Variants in DPYS observed in about 807,000 individuals in gnomAD.
DPYS encodes the protein dihydropyrimidine amidohydrolase.
A neutral mutation model predicts 50.3 loss-of-function variants in DPYS; 39 were observed. That is an observed-to-expected ratio of 0.78 (90% CI 0.60 to 1.01). The LOEUF (loss-of-function observed/expected upper bound fraction) is 1.01. Ranked by LOEUF, DPYS falls within the 50% of genes least tolerant of loss-of-function variation. DPYS has a pLI of 0.00. For synonymous variants in DPYS, 245 were observed against 250.7 expected, an observed-to-expected ratio of 0.98 and a Z score of 0.22; for missense variants, 659 against 680.9, an observed-to-expected ratio of 0.97 and a Z score of 0.36.
chr8:104,416,357 C>G (rs1486988041), intron 7 of DPYS, among the ~76,000 whole-genome samples: 1 of 152,152 alleles, frequency 6.6e-6, no homozygotes, highest in Non-Finnish European at 1.5e-5. Flanking sequence ...GTGAAGAGTG[C>G]CCCTGTAACT....
At chr8:104,404,779 A>G (rs1811938061) in intron 7 of DPYS, among the ~76,000 whole-genome samples, 1 of 152,262 alleles carries the variant, frequency 6.6e-6, no homozygotes, top group Admixed American at 6.5e-5. Context: ...AGTCACATTC[A>G]TTTACATATT....
intron 7 of DPYS, among the ~76,000 whole-genome samples, chr8:104,394,328 C>T (rs1175582475): frequency 6.6e-6 from 1 of 152,106 alleles, no homozygotes; most frequent in Non-Finnish European, 1.5e-5. Flanking sequence ...TACTTGGTTT[C>T]CAATCCCAAC....
chr8:104,451,650 T>C (rs541637661), intron 1 of DPYS, among the ~76,000 whole-genome samples: 3 of 152,202 alleles, frequency 2.0e-5, no homozygotes, highest in South Asian at 2.1e-4. Context: ...AAGATGAAAA[T>C]GGATTTGACT....
intron 1 of DPYS, among the ~76,000 whole-genome samples, chr8:104,453,476 A>C (rs1457280424): frequency 6.6e-6 from 1 of 152,244 alleles, no homozygotes; most frequent in East Asian, 1.9e-4. Context: ...ATTAGAAGAA[A>C]GTCCTCTTTT....
chr8:104,392,801 T>C lies in DPYS; in HGVS notation c.1426A>G (p.Ile476Val). The C allele has an allele frequency of 6.2e-7, 1 of 1,614,146 alleles. No homozygotes were observed. ...KPFAEYIYKR[I>V]KQRDRTCTPT... The stretch of plus-strand genomic sequence containing the variant: ...ACACTCACCCGGTCTCGCTGCTTTA[T>C]TCGTTTGTAAATATATTCAGCAAAT... Residue 476 changes from isoleucine (I) to valine (V), a missense_variant, in exon 8 of 10, where the codon ATA (isoleucine) becomes GTA (valine). Coordinates refer to ENST00000351513, the MANE Select transcript of DPYS (RefSeq NM_001385.3).
intron 8 of DPYS, among the ~76,000 whole-genome samples, chr8:104,387,153 G>A (rs1811236847): frequency 6.6e-6 from 1 of 152,140 alleles, no homozygotes; most frequent in Non-Finnish European, 1.5e-5. Flanking sequence ...AGGGCACTCA[G>A]CACACATTGA....
rs200277051 is a variant in DPYS at position 104,428,006 on chromosome 8, T to C, written c.1066A>G (p.Met356Val). Residue 356 changes from methionine (M) to valine (V), a missense_variant, in exon 6 of 10, where the codon ATG becomes GTG. Physicochemically the swap from Met to Val is conservative, Grantham distance 21. Coordinates refer to ENST00000351513, the MANE Select transcript of DPYS (RefSeq NM_001385.3). ...PNGVNGVEDRMSVIWEKGVHS... is the reference protein window; with the variant it reads ...PNGVNGVEDRVSVIWEKGVHS... ...ACGCCTTTTTCCCATATTACGGACA[T>C]CCGATCTTCAACACCATTCACCCCA... The C allele has an allele frequency of 2.9e-5, 47 of 1,614,086 alleles. No homozygotes were observed. The highest frequency in any genetic ancestry group is 3.8e-5 in the Non-Finnish European group (45 of 1,180,046).
chr8:104,441,889 A>G (rs145703525), intron 4 of DPYS, among the ~76,000 whole-genome samples: 31 of 152,354 alleles, frequency 2.0e-4, no homozygotes, highest in African/African-American at 7.2e-4. Context: ...AAGAATGAGG[A>G]AAATCTCTGT....
chr8:104,443,228 T>G (rs1813412128), intron 4 of DPYS, among the ~76,000 whole-genome samples: 2 of 152,200 alleles, frequency 1.3e-5, no homozygotes, highest in Admixed American at 6.5e-5. Context: ...TTTTCCTCCT[T>G]TCTCTACCAG....
intron 4 of DPYS, among the ~76,000 whole-genome samples, chr8:104,442,866 A>G (rs1813402708): frequency 6.6e-6 from 1 of 152,198 alleles, no homozygotes; most frequent in Non-Finnish European, 1.5e-5. Flanking sequence ...GTTCAAGACT[A>G]ACCTGGGCAA....
intron 7 of DPYS, among the ~76,000 whole-genome samples, chr8:104,423,143 A>G (rs1812602331): frequency 6.6e-6 from 1 of 152,230 alleles, no homozygotes; most frequent in African/African-American, 2.4e-5. Context: ...TTATGTGAGT[A>G]AGATGTGTAT....
At chr8:104,446,524 C>T (rs1443655238) in intron 3 of DPYS, among the ~76,000 whole-genome samples, 1 of 152,172 alleles carries the variant, frequency 6.6e-6, no homozygotes, top group Non-Finnish European at 1.5e-5. Flanking sequence ...TTCTTCCTTA[C>T]AAAAAGAGCA....
chr8:104,417,116 A>G (rs995474294), intron 7 of DPYS, among the ~76,000 whole-genome samples: 4 of 152,224 alleles, frequency 2.6e-5, no homozygotes, highest in Admixed American at 6.5e-5. Flanking sequence ...TAATTGAGTT[A>G]AAAAATAATA....
intron 1 of DPYS, among the ~76,000 whole-genome samples, chr8:104,465,243 G>C (rs1408468093): frequency 6.8e-6 from 1 of 147,020 alleles, no homozygotes; most frequent in African/African-American, 2.5e-5. Context: ...CCTGTCCACA[G>C]TAACATGGGA....
chr8:104,417,280 G>T (rs924272824), intron 7 of DPYS, among the ~76,000 whole-genome samples: 11 of 152,202 alleles, frequency 7.2e-5, no homozygotes, highest in Non-Finnish European at 4.4e-5. Flanking sequence ...AGTTACCATA[G>T]TAACTAAGTG....
intron 1 of DPYS, 143 bp downstream of exon 1, chr8:104,466,512 CCG>C: frequency 1.0e-6 from 1 of 968,840 alleles, no homozygotes; most frequent in Non-Finnish European, 1.4e-6. Flanking sequence ...CCTCTGACAC[CCG>C]CCGGGGCTGC....
rs763914910 is a variant in DPYS, at chr8:104,424,318, G to C, written c.1164C>G (p.Leu388=). ...TSTNAAKIFN[L]YPRKGRIAVG... The stretch of plus-strand genomic sequence containing the variant: ...CAGCTATTCTTCCTTTTCTTGGATA[G>C]AGATTAAAAATTTTGGCTGCATTTG... The change falls in exon 7 of 10, where the codon CTC becomes CTG. Residue 388 remains leucine, a synonymous_variant. Transcript: ENST00000351513. 1.9e-6 allele frequency: 3 copies of C among 1,613,982 alleles called. No individual in the cohort carries two copies. The highest frequency in any genetic ancestry group is 1.3e-5 in the African/African-American group (1 of 74,928).
intron 2 of DPYS, among the ~76,000 whole-genome samples, chr8:104,450,177 AAAG>A (rs1027094627): frequency 1.7e-4 from 19 of 113,350 alleles, no homozygotes; most frequent in African/African-American, 6.7e-4. Flanking sequence ...GAGGGAGGGA[AAAG>A]AAGAAGAGAA....
At chr8:104,399,598 G>A (rs552046873) in intron 7 of DPYS, among the ~76,000 whole-genome samples, 155 of 151,780 alleles carry the variant, frequency 1.0e-3, no homozygotes, top group African/African-American at 3.4e-3. Context: ...AGCTGCGTGC[G>A]GTTGCTCACG....
Sources: gnomAD v4.1 joint callset for allele counts (sites outside exome capture counted in the v4.1 genomes callset) on GRCh38, gnomAD v4.1.1 for gene constraint, MANE v1.5 for transcripts, NCBI Gene and HGNC (gene_info 2026-07-23, HGNC 2026-07-21) for gene names.